Variants in VRK2 observed in about 807,000 individuals in gnomAD.
VRK2 encodes VRK serine/threonine kinase 2, also known as serine/threonine-protein kinase VRK2.
A neutral mutation model predicts 57.6 loss-of-function variants in VRK2; 60 were observed. That is an observed-to-expected ratio of 1.04 (90% CI 0.85 to 1.29). The LOEUF (loss-of-function observed/expected upper bound fraction) is 1.29. Ranked by LOEUF, VRK2 falls within the 50% of genes most tolerant of loss-of-function variation. VRK2 has a pLI of 0.00. For missense variants in VRK2, 705 were observed against 588.1 expected (o/e 1.20, Z -2.06); for synonymous variants, 231 against 199.2 (o/e 1.16, Z -1.35).
chr2:58,046,270 G>T (rs191527720), upstream of VRK2, among the ~76,000 whole-genome samples: 33 of 152,310 alleles, frequency 2.2e-4, no homozygotes, highest in East Asian at 4.2e-3. Context: ...AAAAAAACCT[G>T]AAGTTTGTTA....
intron 7 of VRK2, among the ~76,000 whole-genome samples, chr2:58,108,900 G>C (rs1675142545): frequency 1.3e-5 from 2 of 152,158 alleles, no homozygotes; most frequent in South Asian, 4.1e-4. Context: ...GTTTTACATA[G>C]ATCACCTACC....
intron 1 of VRK2, among the ~76,000 whole-genome samples, chr2:57,951,836 T>C (rs895649406): frequency 6.6e-6 from 1 of 151,950 alleles, no homozygotes; most frequent in Non-Finnish European, 1.5e-5. Context: ...CTCAGATTCC[T>C]GGGCTCAAGT....
chr2:57,966,688 G>A (rs1176090505), intron 1 of VRK2, among the ~76,000 whole-genome samples: 1 of 148,352 alleles, frequency 6.7e-6, no homozygotes, highest in African/African-American at 2.5e-5. Context: ...GAATAATTCT[G>A]GAAACTTAAA....
intron 1 of VRK2, among the ~76,000 whole-genome samples, chr2:57,966,842 T>C (rs1558516995): frequency 6.6e-6 from 1 of 152,174 alleles, no homozygotes; most frequent in East Asian, 1.9e-4. Context: ...GTATATTGAC[T>C]AATAAAAAGT....
chr2:58,035,526 G>A (rs1000014624), intron 3 of VRK2, among the ~76,000 whole-genome samples: 13 of 151,930 alleles, frequency 8.6e-5, no homozygotes, highest in African/African-American at 2.4e-4. Context: ...TTCATGACTC[G>A]AGTAACATTT....
At position 58,123,133 on chromosome 2, in the gene VRK2, A is replaced by T; in HGVS notation, c.576A>T (p.Arg192Ser). The change falls in exon 8 of 13, where the codon AGA (arginine) becomes AGT (serine). Residue 192 changes from arginine (R) to serine (S), a missense_variant. Transcript: ENST00000340157. ...TTGCAGATTATGGACTTTCCTACAG[A>T]TATTGTCCCAATGGGAACCACAAAC... Reference protein sequence around the residue: ...VYLADYGLSYRYCPNGNHKQY... With the variant: ...VYLADYGLSYSYCPNGNHKQY... 3 of 1,600,910 alleles carry T rather than the reference A, an allele frequency of 1.9e-6. No homozygotes were observed. Among genetic ancestry groups the T allele is most frequent in the Non-Finnish European group, 2.6e-6 (3 of 1,176,292 alleles).
intron 1 of VRK2, among the ~76,000 whole-genome samples, chr2:58,025,014 C>T (rs1052922594): frequency 6.6e-6 from 1 of 152,194 alleles, no homozygotes; most frequent in East Asian, 1.9e-4. Context: ...TAAGGCTTCT[C>T]TTGTGGGCAA....
chr2:58,123,094 C>G lies in VRK2; in HGVS notation c.544-7C>G, dbSNP rs758450205. The G allele has an allele frequency of 3.1e-6, 5 of 1,596,342 alleles. No individual in the cohort carries two copies. The South Asian group carries it at 5.7e-5, about 18-fold the overall frequency. ...GCATTATTCATTTGTCTGTGCTTGT[C>G]TTCCAGGTTTATCTTGCAGATTATG... On this transcript the variant is annotated splice_region_variant and splice_polypyrimidine_tract_variant and intron_variant, in intron 7 of 12. Coordinates refer to ENST00000340157, the MANE Select transcript of VRK2 (RefSeq NM_006296.7).
chr2:57,975,166 C>A (rs1433305605), intron 1 of VRK2, among the ~76,000 whole-genome samples: 2 of 151,688 alleles, frequency 1.3e-5, no homozygotes, highest in African/African-American at 4.8e-5. Context: ...GTTCTATAAT[C>A]ACAATGAAAA....
At chr2:57,978,751 G>C (rs1194045711) in intron 1 of VRK2, among the ~76,000 whole-genome samples, 1 of 147,966 alleles carries the variant, frequency 6.8e-6, no homozygotes, top group African/African-American at 2.6e-5. Flanking sequence ...GTATACATGT[G>C]TCATGGTGGT....
At chr2:57,923,154 A>G (rs543286678) in intron 1 of VRK2, among the ~76,000 whole-genome samples, 1 of 152,072 alleles carries the variant, frequency 6.6e-6, no homozygotes, top group Admixed American at 6.6e-5. Context: ...CCAAATATTG[A>G]CTAGAGTGAA....
intron 7 of VRK2, among the ~76,000 whole-genome samples, chr2:58,101,239 G>T (rs772250293): frequency 6.5e-4 from 98 of 151,620 alleles, no homozygotes; most frequent in Non-Finnish European, 1.2e-3. Context: ...AGAACAATGT[G>T]ATTTTTTCAG....
intron 8 of VRK2, among the ~76,000 whole-genome samples, chr2:58,123,837 A>C (rs1488139835): frequency 6.6e-6 from 1 of 151,938 alleles, no homozygotes; most frequent in Non-Finnish European, 1.5e-5. Flanking sequence ...CCTGGGCGAC[A>C]GAGCAAGACC....
At chr2:57,994,527 C>A (rs575865406) in intron 1 of VRK2, among the ~76,000 whole-genome samples, 2 of 152,150 alleles carry the variant, frequency 1.3e-5, no homozygotes, top group South Asian at 4.2e-4. Context: ...AACAGAAGAA[C>A]AAAAATACTC....
At chr2:57,968,834 TA>T (rs1558517990) in intron 1 of VRK2, among the ~76,000 whole-genome samples, 1 of 152,216 alleles carries the variant, frequency 6.6e-6, no homozygotes, top group East Asian at 1.9e-4. Context: ...CATGGAATGT[TA>T]AAAAATATTC....
intron 1 of VRK2, among the ~76,000 whole-genome samples, chr2:57,955,622 T>A (rs553067498): frequency 2.6e-4 from 40 of 152,110 alleles, no homozygotes; most frequent in African/African-American, 9.7e-4. Flanking sequence ...TCAAAAAACA[T>A]CTTCTCTATT....
chr2:58,085,751 ATTGT>A (rs753418135), intron 4 of VRK2, among the ~76,000 whole-genome samples: 1 of 151,884 alleles, frequency 6.6e-6, no homozygotes, highest in Non-Finnish European at 1.5e-5. Flanking sequence ...ATTAAACTTG[ATTGT>A]TTATCAGTAG....
intron 1 of VRK2, among the ~76,000 whole-genome samples, chr2:57,945,822 C>T (rs960141703): frequency 3.3e-5 from 5 of 152,004 alleles, no homozygotes; most frequent in Non-Finnish European, 5.9e-5. Flanking sequence ...ATCAGTGCAA[C>T]AAGATTTTGG....
intron 1 of VRK2, among the ~76,000 whole-genome samples, chr2:57,945,883 A>T (rs1671246945): frequency 6.6e-6 from 1 of 152,200 alleles, no homozygotes; most frequent in Non-Finnish European, 1.5e-5. Context: ...GTAAATAGTG[A>T]TCTGACAAAG....
Sources: gnomAD v4.1 joint callset for allele counts (sites outside exome capture counted in the v4.1 genomes callset) on GRCh38, gnomAD v4.1.1 for gene constraint, MANE v1.5 for transcripts, NCBI Gene and HGNC (gene_info 2026-07-23, HGNC 2026-07-21) for gene names.